RAD54L2: variants seen among roughly 807,000 people sequenced by gnomAD.
RAD54L2 encodes the protein helicase ARIP4.
A neutral mutation model predicts 138.4 loss-of-function variants in RAD54L2; 27 were observed. The observed-to-expected ratio is 0.20, with a 90% CI of 0.14 to 0.27. The LOEUF is 0.27. Ranked by LOEUF, RAD54L2 falls within the 10% of genes least tolerant of loss-of-function variation. RAD54L2 has a pLI of 1.00. For missense variants in RAD54L2, 1,396 were observed against 1,890.2 expected (o/e 0.74, Z 4.85); for synonymous variants, 644 against 723.2 (o/e 0.89, Z 1.76).
chr3:51,624,624 G>C (rs893118415), intron 3 of RAD54L2, among the ~76,000 whole-genome samples: 1 of 152,144 alleles, frequency 6.6e-6, no homozygotes, highest in South Asian at 2.1e-4. Context: ...TACTACAATT[G>C]TTCTCCTCCA....
At chr3:51,612,713 GT>G (rs1700358502) in intron 3 of RAD54L2, among the ~76,000 whole-genome samples, 1 of 146,368 alleles carries the variant, frequency 6.8e-6, no homozygotes, top group African/African-American at 2.5e-5. Context: ...AAAAAAACCT[GT>G]AATTTTATTG....
intron 7 of RAD54L2, among the ~76,000 whole-genome samples, chr3:51,631,711 C>T (rs1435804457): frequency 6.6e-6 from 1 of 152,054 alleles, no homozygotes; most frequent in Non-Finnish European, 1.5e-5. Context: ...GATCACGACT[C>T]ACTGCAGCCT....
intron 3 of RAD54L2, among the ~76,000 whole-genome samples, chr3:51,601,150 T>C (rs762560561): frequency 3.9e-5 from 6 of 152,034 alleles, no homozygotes; most frequent in Non-Finnish European, 8.8e-5. Context: ...ATAAATGTAT[T>C]TCCTAACTAA....
intron 2 of RAD54L2, among the ~76,000 whole-genome samples, chr3:51,580,796 A>G (rs1699588987): frequency 6.6e-6 from 1 of 152,330 alleles, no homozygotes; most frequent in Non-Finnish European, 1.5e-5. Flanking sequence ...CAGAGCCAAA[A>G]GAGTTTACTC....
intron 3 of RAD54L2, among the ~76,000 whole-genome samples, chr3:51,626,180 GCATT>G (rs1700675968): frequency 1.3e-5 from 2 of 151,982 alleles, no homozygotes; most frequent in African/African-American, 4.8e-5. Flanking sequence ...CTCAGTTCTG[GCATT>G]TATATTCTAG....
chr3:51,584,975 T>G (rs1358177219), intron 2 of RAD54L2, among the ~76,000 whole-genome samples: 2 of 151,728 alleles, frequency 1.3e-5, no homozygotes, highest in Admixed American at 1.3e-4. Flanking sequence ...CTGGCTAATT[T>G]TTTTTTTGTA....
chr3:51,597,896 G>A (rs1212866598), intron 3 of RAD54L2, among the ~76,000 whole-genome samples: 4 of 151,364 alleles, frequency 2.6e-5, no homozygotes, highest in African/African-American at 9.7e-5. Context: ...GGAGGTTGCG[G>A]TGAGCCGAGA....
At chr3:51,557,986 C>T (rs1208299354) in intron 2 of RAD54L2, among the ~76,000 whole-genome samples, 2 of 151,964 alleles carry the variant, frequency 1.3e-5, no homozygotes, top group Admixed American at 1.3e-4. Context: ...GATGAAACCA[C>T]AGGTGTGTGC....
At chr3:51,548,869 C>T (rs538466768) in intron 2 of RAD54L2, among the ~76,000 whole-genome samples, 2 of 148,122 alleles carry the variant, frequency 1.4e-5, no homozygotes, top group Non-Finnish European at 3.0e-5. Context: ...TTCTGTTGCC[C>T]AGGCTGGAGT....
At chr3:51,598,186 T>C (rs893276839) in intron 3 of RAD54L2, among the ~76,000 whole-genome samples, 1 of 149,522 alleles carries the variant, frequency 6.7e-6, no homozygotes, top group Admixed American at 6.8e-5. Context: ...TGTATATATA[T>C]ATATATATAT....
intron 20 of RAD54L2, among the ~76,000 whole-genome samples, chr3:51,656,897 G>A (rs901701214): frequency 2.6e-5 from 4 of 151,848 alleles, no homozygotes; most frequent in African/African-American, 9.7e-5. Context: ...CACTATGCCC[G>A]GTGAACTTTT....
intron 2 of RAD54L2, among the ~76,000 whole-genome samples, chr3:51,547,861 C>T (rs1027333678): frequency 6.6e-5 from 10 of 151,894 alleles, no homozygotes; most frequent in Non-Finnish European, 1.0e-4. Context: ...GGATTACAGA[C>T]GTGCCCAGCC....
chr3:51,663,758 T>A lies in RAD54L2; in HGVS notation c.*338T>A. 4.3e-6 allele frequency: 1 copy of A among 230,756 alleles called. No individual in the cohort carries two copies. The highest frequency in any genetic ancestry group is 9.6e-5 in the East Asian group (1 of 10,396). The allele number at this position is 230,756 out of a possible 1,614,324, so 14.3% of individuals were successfully genotyped here. A position where few individuals can be genotyped will look rare whatever the true frequency, so the allele number is the denominator to read the frequency against. On this transcript the variant is annotated 3_prime_UTR_variant, in exon 23 of 23. Transcript: ENST00000684192. ...CTGAGTGTAGAAGCGCACATCCCAT[T>A]TCTGTCTTTGGGAACATTCTTTCCC...
intron 14 of RAD54L2, among the ~76,000 whole-genome samples, chr3:51,640,694 A>G (rs968581292): frequency 6.6e-6 from 1 of 152,220 alleles, no homozygotes; most frequent in Non-Finnish European, 1.5e-5. Context: ...TGTTGATTTT[A>G]TGGATCACTT....
Position 51,645,445 on chromosome 3 carries a change from G to A in RAD54L2, c.2657-146G>A. 1.0e-6 allele frequency: 1 copy of A among 993,234 alleles called. No individual in the cohort carries two copies. Among genetic ancestry groups the A allele is most frequent in the Non-Finnish European group, 1.5e-6 (1 of 683,640 alleles). The allele number at this position is 993,234 out of a possible 1,614,324, so 61.5% of individuals were successfully genotyped here. On this transcript the variant is annotated intron_variant, in intron 17 of 22. Coordinates refer to ENST00000684192, the MANE Select transcript of RAD54L2 (RefSeq NM_015106.4). This position sits in a 1 kb window ranked among gnomAD's most constrained non-coding sequence, Gnocchi z 6.1. ...GATAACAGCCAAGCTCGTTATACAA[G>A]TTTTCCCCTTATATGATGTTTCCAG...
At chr3:51,654,074 C>T (rs918347672) in intron 19 of RAD54L2, among the ~76,000 whole-genome samples, 1 of 151,972 alleles carries the variant, frequency 6.6e-6, no homozygotes, top group Non-Finnish European at 1.5e-5. Context: ...GGGTGGGGTA[C>T]AGAGTCTCTG....
chr3:51,559,136 A>T (rs1201165504), intron 2 of RAD54L2, among the ~76,000 whole-genome samples: 1 of 152,140 alleles, frequency 6.6e-6, no homozygotes, highest in African/African-American at 2.4e-5. Context: ...CGGCCTCCCA[A>T]AGTGCTGGGA....
In RAD54L2 at chr3:51,638,465, G is replaced by A; in HGVS notation, c.1860+144G>A. On this transcript the variant is annotated intron_variant, in intron 12 of 22. Transcript: ENST00000684192. The surrounding 1 kb of genome is among the most constrained non-coding windows in gnomAD (Gnocchi z 4.3). ...AGTTCACTGCACTGGAGGTTTGGGG[G>A]CTCCAAGGAGAGAGGTGATGGTTTT... 1.1e-6 allele frequency: 1 copy of A among 939,538 alleles called. No individual in the cohort carries two copies. The highest frequency in any genetic ancestry group is 1.7e-5 in the South Asian group (1 of 57,168). The allele number at this position is 939,538 out of a possible 1,614,324, so 58.2% of individuals were successfully genotyped here.
intron 2 of RAD54L2, among the ~76,000 whole-genome samples, chr3:51,566,117 T>C (rs1337029259): frequency 4.6e-5 from 7 of 152,240 alleles, no homozygotes; most frequent in Non-Finnish European, 8.8e-5. Context: ...CGTGAGCCAC[T>C]GCGCCCAGCA....
Sources: allele counts gnomAD v4.1 joint callset (sites outside exome capture counted in the v4.1 genomes callset), GRCh38; gene constraint gnomAD v4.1.1; non-coding constraint Gnocchi (gnomAD v3.1); transcripts MANE v1.5; gene names NCBI Gene and HGNC (gene_info 2026-07-23, HGNC 2026-07-21).